Variants in NELFB observed in about 807,000 individuals in gnomAD.
NELFB encodes the protein negative elongation factor B.
A neutral mutation model predicts 60.2 loss-of-function variants in NELFB; 34 were observed. That is an observed-to-expected ratio of 0.56 (90% confidence interval 0.43 to 0.75). NELFB has a LOEUF of 0.75. NELFB is among the 30% of genes least tolerant of loss of function. The probability of loss-of-function intolerance (pLI) is 0.00; values close to 1 mark genes in which losing one functional copy is unlikely to be tolerated. For synonymous variants in NELFB, 459 were observed against 382.1 expected (o/e 1.20, Z -2.35); for missense variants, 770 against 831.6 (o/e 0.93, Z 0.91).
At chr9:137,267,408 T>C (rs891379882) in intron 10 of NELFB, 62 bp downstream of exon 10, 2 of 1,478,816 alleles carry the variant, frequency 1.4e-6, no homozygotes, top group Non-Finnish European at 1.8e-6. Flanking sequence ...TATGCAGTCC[T>C]GCCCAGGGTG....
chr9:137,255,758 C>T, intron 1 of NELFB, 147 bp downstream of exon 1: 1 of 1,456,606 alleles, frequency 6.9e-7, no homozygotes, highest in Admixed American at 1.9e-5. Flanking sequence ...AGCCAGCACC[C>T]CTTTGCTGGA....
rs976601776 is a variant in NELFB, at chr9:137,269,149, C to T, written c.1489+1803C>T. 1.3e-5 allele frequency among the ~76,000 whole-genome samples: 2 copies of T among 152,134 alleles called. No homozygotes were observed. The highest frequency in any genetic ancestry group is 1.9e-4 in the East Asian group (1 of 5,178). On this transcript the variant is annotated intron_variant, in intron 10 of 12. Coordinates refer to ENST00000343053, the MANE Select transcript of NELFB (RefSeq NM_015456.5). The surrounding 1 kb of genome is among the most constrained non-coding windows in gnomAD (Gnocchi z 5.3). ...TGTGTTTGAGGATGGCGCGTGCATGCGTTTTCCAGCTTTCTTTGTGGAGGA... is the reference window on the plus strand; with the variant it reads ...TGTGTTTGAGGATGGCGCGTGCATGTGTTTTCCAGCTTTCTTTGTGGAGGA...
At position 137,272,524 on chromosome 9, in the gene NELFB, G is replaced by A. The variant is rs1224676922; in HGVS notation, c.1649G>A (p.Arg550Gln). 4.3e-6 allele frequency: 7 copies of A among 1,612,256 alleles called. No individual in the cohort carries two copies. The highest frequency in any genetic ancestry group is 2.7e-5 in the African/African-American group (2 of 75,052). Reference sequence around the variant, plus strand: ...TTTTCCAGGAAGGAGAACGTGCACCGGCACGCGCTGCGGCTCCTCATTCAC... The same window carrying A: ...TTTTCCAGGAAGGAGAACGTGCACCAGCACGCGCTGCGGCTCCTCATTCAC... The change falls in exon 12 of 13, where the codon CGG (arginine) becomes CAG (glutamine). Residue 550 changes from arginine (R) to glutamine (Q), a missense_variant. Arg to Gln is a conservative substitution (Grantham distance 43). Transcript: ENST00000343053.
At chr9:137,271,952 C>A in intron 10 of NELFB, 129 bp from the exon 11 acceptor site, 1 of 1,199,068 alleles carries the variant, frequency 8.3e-7, no homozygotes, top group Non-Finnish European at 1.2e-6. Flanking sequence ...CTGTGCTTCT[C>A]ATCTCAGAAC....
In NELFB at chr9:137,267,017, A is replaced by G. The variant is rs1830527056; in HGVS notation, c.1313A>G (p.Asp438Gly). The stretch of plus-strand genomic sequence containing the variant: ...GTGGATGACTACACTTTCAATGTGG[A>G]TCAGAAACTTCCGGCTGAGGAGAAA... Residue 438 changes from aspartate to glycine, a missense_variant, in exon 9 of 13, where the codon GAT (aspartate) becomes GGT (glycine). Coordinates refer to ENST00000343053, the MANE Select transcript of NELFB (RefSeq NM_015456.5). 3 of 1,613,934 alleles carry G rather than the reference A, an allele frequency of 1.9e-6. No individual in the cohort carries two copies. The highest frequency in any genetic ancestry group is 1.7e-6 in the Non-Finnish European group (2 of 1,180,008).
intron 2 of NELFB, 75 bp downstream of exon 2, chr9:137,256,145 A>T: frequency 6.6e-7 from 1 of 1,521,662 alleles, no homozygotes; most frequent in Non-Finnish European, 9.1e-7. Context: ...AGGGGCATTT[A>T]TTGTCCTTTT....
At chr9:137,267,477 G>A in intron 10 of NELFB, 131 bp downstream of exon 10, 1 of 638,692 alleles carries the variant, frequency 1.6e-6, no homozygotes. Flanking sequence ...AACTTTGCTA[G>A]CTTTGTTTTC....
intron 4 of NELFB, 90 bp downstream of exon 4, chr9:137,257,144 C>T: frequency 2.7e-6 from 3 of 1,123,052 alleles, no homozygotes. Context: ...CACTCTGCTG[C>T]CCTGTGAATG....
Position 137,264,456 on chromosome 9 carries a change from G to C in NELFB, c.1040+99G>C, listed in dbSNP as rs1830495006. On this transcript the variant is annotated intron_variant, in intron 6 of 12. Coordinates refer to ENST00000343053, the MANE Select transcript of NELFB (RefSeq NM_015456.5). ...CCGTGGGTAGCAGGCGTTTATTCCC[G>C]GATATTGCTTTTTCTTTTGTTTTTT... 14 of 839,224 alleles carry C rather than the reference G, an allele frequency of 1.7e-5. No homozygotes were observed. In the South Asian group the frequency reaches 2.1e-4, roughly 12 times the overall value. The allele number at this position is 839,224 out of a possible 1,614,324, so 52.0% of individuals were successfully genotyped here.
At chr9:137,255,716 T>C (rs1837539883) in intron 1 of NELFB, 105 bp downstream of exon 1, 1 of 1,431,522 alleles carries the variant, frequency 7.0e-7, no homozygotes, top group Admixed American at 2.1e-5. Context: ...TTTCTGCTGG[T>C]GGCTGAGTCC....
In NELFB at chr9:137,264,247, C is replaced by T. The variant is rs761641101; in HGVS notation, c.930C>T (p.Phe310=). 1.3e-5 allele frequency: 20 copies of T among 1,584,942 alleles called. No individual in the cohort carries two copies. The highest frequency in any genetic ancestry group is 1.1e-4 in the East Asian group (5 of 43,916). Residue 310 remains phenylalanine, a splice_region_variant and synonymous_variant, in exon 6 of 13, where the codon TTC becomes TTT. Transcript: ENST00000343053. Reference sequence around the variant, plus strand: ...CCGACCGTGCTTCCTCCTTGCAGTTCACCTGGTGCCTGGACGCCTGCATCC... The same window carrying T: ...CCGACCGTGCTTCCTCCTTGCAGTTTACCTGGTGCCTGGACGCCTGCATCC...
At chr9:137,257,527 A>G (rs1424859743) in intron 4 of NELFB, among the ~76,000 whole-genome samples, 10 of 107,904 alleles carry the variant, frequency 9.3e-5, no homozygotes, top group Admixed American at 3.3e-4. Context: ...TTTGAGACGG[A>G]GTTTCGCTAT....
In NELFB at chr9:137,266,397, G is replaced by C; in HGVS notation, c.1210G>C (p.Asp404His). Reference sequence around the variant, plus strand: ...GGGCCAGGGAGCCTGGGACATGATCGACAGCCAGGTCTTCAAGGAGCCCAA... The same window carrying C: ...GGGCCAGGGAGCCTGGGACATGATCCACAGCCAGGTCTTCAAGGAGCCCAA... The change falls in exon 8 of 13, where the codon GAC becomes CAC. Residue 404 changes from aspartate (D) to histidine (H), a missense_variant. Transcript: ENST00000343053. The C allele has an allele frequency of 6.2e-7, 1 of 1,612,950 alleles. No homozygotes were observed. Among genetic ancestry groups the C allele is most frequent in the Non-Finnish European group, 8.5e-7 (1 of 1,179,976 alleles).
At chr9:137,262,895 A>T in intron 4 of NELFB, 142 bp from the exon 5 acceptor site, 2 of 782,766 alleles carry the variant, frequency 2.6e-6, no homozygotes, top group Non-Finnish European at 4.0e-6. Context: ...GCCAATATTT[A>T]ATGAGAGGAG....
At chr9:137,267,126 G>C (rs373004598) in intron 9 of NELFB, 40 bp downstream of exon 9, 1 of 1,613,194 alleles carries the variant, frequency 6.2e-7, no homozygotes, top group Non-Finnish European at 8.5e-7. Flanking sequence ...TGGCCGTGGC[G>C]CAGGGATGGC....
In NELFB at chr9:137,261,371, A is replaced by C. The variant is rs28772733; in HGVS notation, c.742-1666A>C. On this transcript the variant is annotated intron_variant, in intron 4 of 12. Coordinates refer to ENST00000343053, the MANE Select transcript of NELFB (RefSeq NM_015456.5). ...AAAAAAAAAAAGTAAAAAAAAAAAA[A>C]AACTGGGTCAGGTGTGTGGCTCATG... Among the ~76,000 whole-genome samples the C allele has an allele frequency of 1.7e-3, 252 of 149,240 alleles. 7 individuals carry two copies. The East Asian group carries it at 0.043, about 26-fold the overall frequency.
intron 6 of NELFB, among the ~76,000 whole-genome samples, chr9:137,265,026 TCTTC>T (rs1335523865): frequency 1.3e-5 from 2 of 150,566 alleles, no homozygotes; most frequent in Non-Finnish European, 3.0e-5. Context: ...CCACTTTTTT[TCTTC>T]CTTTTTTTTT....
chr9:137,267,490 CTTTTTTTT>C (rs1174937800), intron 10 of NELFB, 144 bp downstream of exon 10: 2 of 440,370 alleles, frequency 4.5e-6, no homozygotes, highest in East Asian at 4.3e-5. Context: ...TTGTTTTCAC[CTTTTTTTT>C]TTTTTTTTTT....
intron 6 of NELFB, among the ~76,000 whole-genome samples, chr9:137,264,843 G>T (rs1830498777): frequency 6.6e-6 from 1 of 152,092 alleles, no homozygotes; most frequent in African/African-American, 2.4e-5. Flanking sequence ...GATGTGTGTG[G>T]GTAGCAAAGT....
Sources: gnomAD v4.1 joint callset for allele counts (sites outside exome capture counted in the v4.1 genomes callset) on GRCh38, gnomAD v4.1.1 for gene constraint, Gnocchi (gnomAD v3.1) non-coding constraint, MANE v1.5 for transcripts, NCBI Gene and HGNC (gene_info 2026-07-23, HGNC 2026-07-21) for gene names.